SND1: variants seen among roughly 807,000 people sequenced by gnomAD.
The protein encoded by SND1 is staphylococcal nuclease and tudor domain containing 1, also known as staphylococcal nuclease domain-containing protein 1.
SND1 carries 38 observed loss-of-function variants against 121.7 expected under a neutral mutation model. That is an observed-to-expected ratio of 0.31 (90% CI 0.24 to 0.41). SND1 has a LOEUF of 0.41. Ranked by LOEUF, SND1 falls within the 10% of genes least tolerant of loss-of-function variation. The probability of loss-of-function intolerance (pLI) is 1.00; values close to 1 mark genes in which losing one functional copy is unlikely to be tolerated. For synonymous variants in SND1, 401 were observed against 447.4 expected, an observed-to-expected ratio of 0.90 and a Z score of 1.31; for missense variants, 868 against 1,184.6, an observed-to-expected ratio of 0.73 and a Z score of 3.92.
chr7:128,034,183 G>A (rs1250869864), intron 16 of SND1, among the ~76,000 whole-genome samples: 1 of 152,184 alleles, frequency 6.6e-6, no homozygotes, highest in African/African-American at 2.4e-5. Context: ...GTAAATGGTG[G>A]AGGCAAGTGG....
rs969391351 is a variant in SND1 at position 127,703,211 on chromosome 7, C to G, written c.728C>G (p.Pro243Arg). ...GCAGATGGCAGTGAAACTCCAGAGC[C>G]TTTTGCTGCAGAAGCCAAATTTTTC... ...READGSETPEPFAAEAKFFTE... is the reference protein window; with the variant it reads ...READGSETPERFAAEAKFFTE... Residue 243 changes from proline (P) to arginine (R), a missense_variant, in exon 7 of 24, where the codon CCT becomes CGT. Physicochemically the swap from Pro to Arg is moderately radical, Grantham distance 103. This residue lies in a region of SND1 where 743 missense variants were observed against 1,071.3 expected (regional missense o/e 0.69). Transcript: ENST00000354725. The G allele has an allele frequency of 6.2e-7, 1 of 1,614,128 alleles. No homozygotes were observed. Among genetic ancestry groups the G allele is most frequent in the East Asian group, 2.2e-5 (1 of 44,874 alleles).
At chr7:127,758,778 G>T (rs1379254604) in intron 10 of SND1, among the ~76,000 whole-genome samples, 1 of 152,134 alleles carries the variant, frequency 6.6e-6, no homozygotes, top group Non-Finnish European at 1.5e-5. Context: ...AGCAGGCTAG[G>T]CACGGTGGCT....
chr7:128,026,063 A>G lies in SND1; in HGVS notation c.1779+35007A>G, dbSNP rs79014198. Among the ~76,000 whole-genome samples the G allele has an allele frequency of 5.9e-3, 895 of 151,216 alleles. 15 individuals are homozygous for G. Among genetic ancestry groups the G allele is most frequent in the African/African-American group, 0.021 (855 of 41,176 alleles). ...TTAGGAAATTGGCTCCTCATCCTCT[A>G]TTTCTGAAACAGCAACTTCCTCCGC... On this transcript the variant is annotated intron_variant, in intron 16 of 23. Coordinates refer to ENST00000354725, the MANE Select transcript of SND1 (RefSeq NM_014390.4).
At chr7:127,710,327 T>C (rs1044698711) in intron 9 of SND1, among the ~76,000 whole-genome samples, 3 of 152,056 alleles carry the variant, frequency 2.0e-5, no homozygotes, top group African/African-American at 7.2e-5. Context: ...TTTTACTTAA[T>C]AGTTTGATGA....
At chr7:127,781,813 G>A (rs571125816) in intron 10 of SND1, among the ~76,000 whole-genome samples, 1 of 152,302 alleles carries the variant, frequency 6.6e-6, no homozygotes. Flanking sequence ...TCCAAAGCAT[G>A]TTCAGATTTG....
intron 15 of SND1, among the ~76,000 whole-genome samples, chr7:127,935,349 G>A (rs886462251): frequency 6.6e-6 from 1 of 152,182 alleles, no homozygotes; most frequent in Non-Finnish European, 1.5e-5. Context: ...ATGGATAGCT[G>A]AAAAGGCTAT....
chr7:128,015,472 CAT>C lies in SND1; in HGVS notation c.1779+24417_1779+24418del, dbSNP rs1159592348. On this transcript the variant is annotated intron_variant, in intron 16 of 23. Coordinates refer to ENST00000354725, the MANE Select transcript of SND1 (RefSeq NM_014390.4). This position sits in a 1 kb window ranked among gnomAD's most constrained non-coding sequence, Gnocchi z 4.5. ...ATAGGAGCTGAGAGTCAAAAAAGCA[CAT>C]GTCAGAAATCACCTTTCTTCCTTTT... Among the ~76,000 whole-genome samples the C allele has an allele frequency of 2.6e-5, 4 of 152,180 alleles. No homozygotes were observed. Among genetic ancestry groups the C allele is most frequent in the African/African-American group, 9.7e-5 (4 of 41,442 alleles).
intron 15 of SND1, among the ~76,000 whole-genome samples, chr7:127,981,412 C>T (rs1802258660): frequency 6.6e-6 from 1 of 152,174 alleles, no homozygotes; most frequent in South Asian, 2.1e-4. Context: ...AGCGGACAGC[C>T]TGCGATCTCC....
chr7:127,759,927 C>T (rs1417024385), intron 10 of SND1, among the ~76,000 whole-genome samples: 6 of 152,194 alleles, frequency 3.9e-5, no homozygotes, highest in Admixed American at 3.9e-4. Flanking sequence ...CTGCTGCCAG[C>T]CTCTCCTCTA....
At chr7:127,839,734 G>A (rs965825592) in intron 11 of SND1, among the ~76,000 whole-genome samples, 1 of 152,084 alleles carries the variant, frequency 6.6e-6, no homozygotes, top group Non-Finnish European at 1.5e-5. Context: ...ATAGACGAAG[G>A]TTGCCTGCTA....
chr7:127,865,164 T>A lies in SND1; in HGVS notation c.1343+20740T>A, dbSNP rs192270231. ...ATTGAGAGAGAAACACTATTGATGA[T>A]TACATTAGTGTATCCCTCTGAGAGC... On this transcript the variant is annotated intron_variant, in intron 12 of 23. Transcript: ENST00000354725. Among the ~76,000 whole-genome samples, 3 of 152,338 alleles carry A rather than the reference T, an allele frequency of 2.0e-5. No individual in the cohort carries two copies. The East Asian group carries it at 5.8e-4, about 29-fold the overall frequency.
chr7:127,931,119 A>G (rs926108231), intron 15 of SND1, among the ~76,000 whole-genome samples: 5 of 152,210 alleles, frequency 3.3e-5, no homozygotes, highest in African/African-American at 1.2e-4. Flanking sequence ...ATTGAATGAT[A>G]AGAAAACCAA....
intron 12 of SND1, among the ~76,000 whole-genome samples, chr7:127,856,291 A>G (rs1167174198): frequency 1.3e-5 from 2 of 152,162 alleles, no homozygotes; most frequent in Admixed American, 1.3e-4. Context: ...TATGCTAGCT[A>G]TCTACTTTAC....
At chr7:127,856,974 T>C (rs1369340460) in intron 12 of SND1, among the ~76,000 whole-genome samples, 2 of 152,086 alleles carry the variant, frequency 1.3e-5, no homozygotes, top group East Asian at 3.8e-4. Context: ...AAAGATCAGA[T>C]CATTGAGTGA....
At chr7:127,660,626 C>T (rs1368414135) in intron 1 of SND1, among the ~76,000 whole-genome samples, 1 of 152,146 alleles carries the variant, frequency 6.6e-6, no homozygotes, top group East Asian at 1.9e-4. Context: ...TATTCAAAAT[C>T]CTCCAGTGAG....
intron 16 of SND1, among the ~76,000 whole-genome samples, chr7:128,017,540 G>C (rs1043109593): frequency 6.6e-6 from 1 of 152,212 alleles, no homozygotes; most frequent in African/African-American, 2.4e-5. Context: ...TTGCCTAGCT[G>C]ACTCTTCCCT....
At chr7:127,846,447 G>T (rs1799063900) in intron 12 of SND1, among the ~76,000 whole-genome samples, 1 of 152,040 alleles carries the variant, frequency 6.6e-6, no homozygotes, top group East Asian at 1.9e-4. Flanking sequence ...TGGTTAAATG[G>T]GTAGGCTGCA....
At chr7:128,087,120 A>T (rs1242239767) in intron 21 of SND1, 69 bp downstream of exon 21, 1 of 1,154,282 alleles carries the variant, frequency 8.7e-7, no homozygotes, top group Non-Finnish European at 1.3e-6. Context: ...AGCAGCCCTC[A>T]TGGGCTGACA....
In SND1 at chr7:127,857,840, A is replaced by C. The variant is rs564231298; in HGVS notation, c.1343+13416A>C. On this transcript the variant is annotated intron_variant, in intron 12 of 23. Transcript: ENST00000354725. ...GAAGGGCCCACCAAACTAGGTCCCCAGCAGTCTCAGGTGTAGAGGTCAAAG... is the reference window on the plus strand; with the variant it reads ...GAAGGGCCCACCAAACTAGGTCCCCCGCAGTCTCAGGTGTAGAGGTCAAAG... 4.9e-6 allele frequency: 5 copies of C among 1,026,234 alleles called. No individual in the cohort carries two copies. The East Asian group carries it at 1.2e-4, about 24-fold the overall frequency. The allele number at this position is 1,026,234 out of a possible 1,614,324, so 63.6% of individuals were successfully genotyped here.
Sources: allele counts gnomAD v4.1 joint callset (sites outside exome capture counted in the v4.1 genomes callset), GRCh38; gene constraint gnomAD v4.1.1; regional missense constraint gnomAD v4.1.1; non-coding constraint Gnocchi (gnomAD v3.1); transcripts MANE v1.5; gene names NCBI Gene and HGNC (gene_info 2026-07-23, HGNC 2026-07-21).